The following TRAPPC9 variants were observed in gnomAD, a reference collection of about 807,000 sequenced individuals.
The protein encoded by TRAPPC9 is IKK2 binding protein.
Under a neutral mutation model 124.0 loss-of-function variants are expected in TRAPPC9, and 83 were observed. That is an observed-to-expected ratio of 0.67 (90% CI 0.56 to 0.80). The LOEUF (loss-of-function observed/expected upper bound fraction) is 0.80, where lower values mean the gene tolerates loss of function less well. TRAPPC9 is among the 30% of genes least tolerant of loss of function. The probability of loss-of-function intolerance (pLI) is 0.00; values close to 1 mark genes in which losing one functional copy is unlikely to be tolerated. For synonymous variants in TRAPPC9, 638 were observed against 617.5 expected (o/e 1.03, Z -0.49); for missense variants, 1,302 against 1,508.3 (o/e 0.86, Z 2.27).
intron 6 of TRAPPC9, among the ~76,000 whole-genome samples, chr8:140,402,247 G>C (rs1222021920): frequency 2.0e-5 from 3 of 151,762 alleles, no homozygotes; most frequent in Non-Finnish European, 4.4e-5. Context: ...GGATGCACCT[G>C]TAGTTACAGC....
At chr8:139,782,379 A>G (rs1244081483) in intron 21 of TRAPPC9, among the ~76,000 whole-genome samples, 1 of 152,200 alleles carries the variant, frequency 6.6e-6, no homozygotes, top group African/African-American at 2.4e-5. Flanking sequence ...CGCTCCCAGA[A>G]AAGGGGGGAA....
intron 9 of TRAPPC9, among the ~76,000 whole-genome samples, chr8:140,327,219 C>T (rs2066763068): frequency 6.6e-6 from 1 of 152,072 alleles, no homozygotes; most frequent in East Asian, 1.9e-4. Flanking sequence ...CGCCACTGCA[C>T]TCCAGCCTGG....
chr8:139,765,648 A>G (rs948869432), intron 21 of TRAPPC9, among the ~76,000 whole-genome samples: 1 of 152,166 alleles, frequency 6.6e-6, no homozygotes, highest in Non-Finnish European at 1.5e-5. Context: ...CCCTTGATGA[A>G]GGACAGGGGC....
chr8:139,870,745 C>G (rs1429467882), intron 21 of TRAPPC9, among the ~76,000 whole-genome samples: 1 of 152,248 alleles, frequency 6.6e-6, no homozygotes, highest in Non-Finnish European at 1.5e-5. Flanking sequence ...GGGACAACAG[C>G]AGCCCATGGG....
intron 21 of TRAPPC9, among the ~76,000 whole-genome samples, chr8:139,821,761 C>T (rs1177734751): frequency 1.3e-5 from 2 of 152,256 alleles, no homozygotes; most frequent in Non-Finnish European, 2.9e-5. Flanking sequence ...GACGGTCCAG[C>T]CACCACTGCG....
chr8:140,370,141 T>C (rs2068238407), intron 8 of TRAPPC9, among the ~76,000 whole-genome samples: 1 of 149,270 alleles, frequency 6.7e-6, no homozygotes, highest in Admixed American at 6.7e-5. Context: ...TTTTTTTTTG[T>C]TTTTTTGGGT....
chr8:140,404,703 C>T (rs111608489), intron 6 of TRAPPC9, among the ~76,000 whole-genome samples: 126 of 151,598 alleles, frequency 8.3e-4, no homozygotes, highest in African/African-American at 2.3e-3. Context: ...TGCATGTGTG[C>T]GCACATGTGA....
At chr8:139,818,829 T>C (rs1247430302) in intron 21 of TRAPPC9, among the ~76,000 whole-genome samples, 2 of 152,244 alleles carry the variant, frequency 1.3e-5, no homozygotes, top group African/African-American at 4.8e-5. Flanking sequence ...CCCCATTCTA[T>C]GAGAACCAGG....
chr8:140,376,951 A>G (rs1202331276), intron 7 of TRAPPC9, among the ~76,000 whole-genome samples: 1 of 151,772 alleles, frequency 6.6e-6, no homozygotes, highest in Non-Finnish European at 1.5e-5. Flanking sequence ...GCTGTGCCCT[A>G]TGCCTTGGAC....
At chr8:140,047,233 G>A (rs574111791) in intron 17 of TRAPPC9, among the ~76,000 whole-genome samples, 5 of 152,350 alleles carry the variant, frequency 3.3e-5, no homozygotes, top group South Asian at 4.1e-4. Flanking sequence ...CATCACACAC[G>A]CGCACGCACA....
In TRAPPC9 at chr8:140,179,993, A is replaced by ATTTTTTTTTTTTTTTTTTT. The variant is rs71520259; in HGVS notation, c.2556+41447_2556+41465dup. On this transcript the variant is annotated intron_variant, in intron 17 of 22. Transcript: ENST00000438773. Reference sequence around the variant, plus strand: ...ATAAACAATTTATAGTTATATCTTGATTTTTTTTTTTTTTTTTTTTTGGCC... The same window carrying ATTTTTTTTTTTTTTTTTTT: ...ATAAACAATTTATAGTTATATCTTGATTTTTTTTTTTTTTTTTTTTTTTTTTTTTTTTTTTTTTTTGGCC... 3.1e-4 allele frequency among the ~76,000 whole-genome samples: 28 copies of ATTTTTTTTTTTTTTTTTTT among 90,034 alleles called. 1 individual carries two copies. The highest frequency in any genetic ancestry group is 9.6e-4 in the East Asian group (2 of 2,076). 59.1% of individuals were successfully genotyped at this position (90,034 alleles called of 152,430 possible). A position where few individuals can be genotyped will look rare whatever the true frequency, so the allele number is the denominator to read the frequency against.
chr8:139,958,948 AGTCACACGGGGGAGCCCT>A, intron 19 of TRAPPC9, among the ~76,000 whole-genome samples: 2 of 134,640 alleles, frequency 1.5e-5, no homozygotes, highest in South Asian at 4.6e-4. Context: ...CTGCATTCCG[AGTCACACGGGGGAGCCCT>A]GCATTCCGAG....
At chr8:140,173,327 G>A (rs2062001698) in intron 17 of TRAPPC9, among the ~76,000 whole-genome samples, 1 of 152,168 alleles carries the variant, frequency 6.6e-6, no homozygotes, top group East Asian at 1.9e-4. Context: ...GGCCGAGGCA[G>A]GAGGATCACG....
chr8:140,408,041 A>G (rs1232726489), intron 5 of TRAPPC9, among the ~76,000 whole-genome samples: 1 of 152,238 alleles, frequency 6.6e-6, no homozygotes, highest in African/African-American at 2.4e-5. Flanking sequence ...AGTGGGTCAG[A>G]CCAATTTAAT....
At chr8:140,328,861 T>C (rs866480700) in intron 9 of TRAPPC9, among the ~76,000 whole-genome samples, 1 of 152,034 alleles carries the variant, frequency 6.6e-6, no homozygotes, top group South Asian at 2.1e-4. Flanking sequence ...ACACAGAAAC[T>C]GAAGGAGGTA....
chr8:139,991,362 T>C (rs1263716403), intron 18 of TRAPPC9, among the ~76,000 whole-genome samples: 2 of 152,182 alleles, frequency 1.3e-5, no homozygotes, highest in Non-Finnish European at 2.9e-5. Flanking sequence ...TGTGGGGGCG[T>C]CTGATCTAGT....
At chr8:140,223,744 A>T (rs1432665906) in intron 16 of TRAPPC9, among the ~76,000 whole-genome samples, 2 of 97,398 alleles carry the variant, frequency 2.1e-5, no homozygotes, top group African/African-American at 3.8e-5. Flanking sequence ...TCATAATTTA[A>T]AAAAAAAAAA....
chr8:139,952,376 A>G (rs1489328815), intron 19 of TRAPPC9, among the ~76,000 whole-genome samples: 1 of 152,212 alleles, frequency 6.6e-6, no homozygotes, highest in Non-Finnish European at 1.5e-5. Context: ...ATGGTTAAAC[A>G]AGTGAGGAAA....
At position 140,289,184 on chromosome 8, in the gene TRAPPC9, T is replaced by TA. The variant is rs1200005480; in HGVS notation, c.1855-1451_1855-1450insT. 3.8e-4 allele frequency among the ~76,000 whole-genome samples: 24 copies of TA among 62,870 alleles called. No homozygotes were observed. In the East Asian group the frequency reaches 9.0e-3, roughly 23 times the overall value. The allele number at this position is 62,870 out of a possible 152,430, so 41.2% of individuals were successfully genotyped here. ...TTTAGATATATATATAGTGTGTGTG[T>TA]GTGTGTGTGTGTGTGTGTGTGTGTG... On this transcript the variant is annotated intron_variant, in intron 12 of 22. Transcript: ENST00000438773.
Sources: gnomAD v4.1 joint callset for allele counts (sites outside exome capture counted in the v4.1 genomes callset) on GRCh38, gnomAD v4.1.1 for gene constraint, MANE v1.5 for transcripts, NCBI Gene and HGNC (gene_info 2026-07-23, HGNC 2026-07-21) for gene names.